Variants in CAMTA1 observed in about 807,000 individuals in gnomAD.
CAMTA1 encodes the protein calmodulin binding transcription activator 1, also known as calmodulin-binding transcription activator 1.
Under a neutral mutation model 170.9 loss-of-function variants are expected in CAMTA1, and 27 were observed. The observed-to-expected ratio is 0.16, with a 90% CI of 0.12 to 0.22. The LOEUF (loss-of-function observed/expected upper bound fraction) is 0.22. CAMTA1 is among the 10% of genes least tolerant of loss of function. The pLI is 1.00. For missense variants in CAMTA1, 1,619 were observed against 2,217.2 expected, an observed-to-expected ratio of 0.73 and a Z score of 5.42; for synonymous variants, 833 against 891.5, an observed-to-expected ratio of 0.93 and a Z score of 1.17.
At chr1:6,954,397 A>T (rs1362828654) in intron 3 of CAMTA1, among the ~76,000 whole-genome samples, 1 of 152,142 alleles carries the variant, frequency 6.6e-6, no homozygotes, top group African/African-American at 2.4e-5. Flanking sequence ...GCTCCAGCTT[A>T]TTTATCCTCA....
At chr1:7,212,508 C>G in intron 4 of CAMTA1, among the ~76,000 whole-genome samples, 1 of 152,204 alleles carries the variant, frequency 6.6e-6, no homozygotes, top group Non-Finnish European at 1.5e-5. Flanking sequence ...TATAAATACT[C>G]CTTTGCACAT....
chr1:6,997,518 C>T (rs978748651), intron 3 of CAMTA1, among the ~76,000 whole-genome samples: 12 of 152,194 alleles, frequency 7.9e-5, no homozygotes, highest in African/African-American at 2.6e-4. Context: ...CAGGTTTTTA[C>T]ACATCTCTCT....
chr1:7,041,304 C>T lies in CAMTA1; in HGVS notation c.235-50000C>T, dbSNP rs772000388. ...CTCAGAGCCAGTCCAGTCAGACCTG[C>T]GAGGCCTGGGCTGTGGCTGCTGTGG... On this transcript the variant is annotated intron_variant, in intron 3 of 22. Coordinates refer to ENST00000303635, the MANE Select transcript of CAMTA1 (RefSeq NM_015215.4). This position sits in a 1 kb window ranked among gnomAD's most constrained non-coding sequence, Gnocchi z 5.1. Among the ~76,000 whole-genome samples, 15 of 152,188 alleles carry T rather than the reference C, an allele frequency of 9.9e-5. No individual in the cohort carries two copies. Among genetic ancestry groups the T allele is most frequent in the Admixed American group, 2.6e-4 (4 of 15,288 alleles).
chr1:6,990,640 C>T (rs1572265617), intron 3 of CAMTA1, among the ~76,000 whole-genome samples: 3 of 152,128 alleles, frequency 2.0e-5, no homozygotes, highest in Non-Finnish European at 4.4e-5. Flanking sequence ...ACATTTCTAT[C>T]ATCCCAAAAG....
Position 7,455,557 on chromosome 1 carries a change from A to T in CAMTA1, c.439-12273A>T, listed in dbSNP as rs1557743757. On this transcript the variant is annotated intron_variant, in intron 5 of 22. Transcript: ENST00000303635. This position sits in a 1 kb window ranked among gnomAD's most constrained non-coding sequence, Gnocchi z 5.0. ...CGGCGTTTCCCTCCACCTGCTTCATAAGCAAAACCCTGTTGTCCGTTTTAA... is the reference window on the plus strand; with the variant it reads ...CGGCGTTTCCCTCCACCTGCTTCATTAGCAAAACCCTGTTGTCCGTTTTAA... 6.6e-6 allele frequency among the ~76,000 whole-genome samples: 1 copy of T among 152,182 alleles called. No individual in the cohort carries two copies. The highest frequency in any genetic ancestry group is 1.5e-5 in the Non-Finnish European group (1 of 68,030).
chr1:7,035,697 G>A (rs992137390), intron 3 of CAMTA1, among the ~76,000 whole-genome samples: 3 of 152,224 alleles, frequency 2.0e-5, no homozygotes, highest in Non-Finnish European at 4.4e-5. Flanking sequence ...TCTTAAGGAT[G>A]CCCGAAGGGT....
intron 5 of CAMTA1, among the ~76,000 whole-genome samples, chr1:7,451,506 C>T (rs993392669): frequency 6.6e-6 from 1 of 152,182 alleles, no homozygotes; most frequent in Admixed American, 6.5e-5. Flanking sequence ...CCTCCTGAGC[C>T]ACCTTTCCAC....
chr1:7,077,258 T>C (rs1179026519), intron 3 of CAMTA1, among the ~76,000 whole-genome samples: 1 of 149,126 alleles, frequency 6.7e-6, no homozygotes, highest in African/African-American at 2.5e-5. Context: ...TCCTATTTTC[T>C]CCCTGTATGA....
At chr1:6,880,362 C>T (rs565204826) in intron 3 of CAMTA1, among the ~76,000 whole-genome samples, 1 of 149,912 alleles carries the variant, frequency 6.7e-6, no homozygotes, top group South Asian at 2.1e-4. Context: ...GCATGAGCCA[C>T]CAGGCCCAGC....
chr1:7,016,817 C>T (rs908177740), intron 3 of CAMTA1, among the ~76,000 whole-genome samples: 1 of 150,028 alleles, frequency 6.7e-6, no homozygotes, highest in Non-Finnish European at 1.5e-5. Flanking sequence ...GCCTGAGTGA[C>T]AGAGCGAGCC....
chr1:7,261,697 C>T (rs1053219115), intron 5 of CAMTA1, among the ~76,000 whole-genome samples: 3 of 152,158 alleles, frequency 2.0e-5, no homozygotes, highest in Non-Finnish European at 4.4e-5. Flanking sequence ...TGAAGGCATC[C>T]GGCATGTGGC....
At chr1:7,351,219 G>A (rs570447615) in intron 5 of CAMTA1, among the ~76,000 whole-genome samples, 18 of 152,364 alleles carry the variant, frequency 1.2e-4, no homozygotes, top group Non-Finnish European at 2.4e-4. Flanking sequence ...TCCCAGGCAC[G>A]ATCCTGATGT....
At chr1:7,336,324 G>T (rs763168) in intron 5 of CAMTA1, among the ~76,000 whole-genome samples, 1 of 152,070 alleles carries the variant, frequency 6.6e-6, no homozygotes, top group Non-Finnish European at 1.5e-5. Flanking sequence ...CATCTCTGCA[G>T]CCCAGAGCTG....
chr1:7,659,872 T>C (rs2095939666), intron 7 of CAMTA1, among the ~76,000 whole-genome samples: 1 of 152,160 alleles, frequency 6.6e-6, no homozygotes, highest in African/African-American at 2.4e-5. Flanking sequence ...TGGCCAGTTC[T>C]CCAGGCAGGA....
chr1:7,315,087 A>G (rs1677289293), intron 5 of CAMTA1, among the ~76,000 whole-genome samples: 1 of 152,216 alleles, frequency 6.6e-6, no homozygotes, highest in Admixed American at 6.5e-5. Context: ...CAAAGAGTGA[A>G]TGAGAACATG....
At chr1:6,872,372 C>G (rs1339764563) in intron 3 of CAMTA1, among the ~76,000 whole-genome samples, 1 of 152,064 alleles carries the variant, frequency 6.6e-6, no homozygotes, top group Non-Finnish European at 1.5e-5. Flanking sequence ...ATTTTGTATT[C>G]TGAAGTATTT....
chr1:7,689,381 C>T (rs1050751334), intron 11 of CAMTA1, among the ~76,000 whole-genome samples: 3 of 150,202 alleles, frequency 2.0e-5, no homozygotes, highest in Admixed American at 2.0e-4. Flanking sequence ...CAAGACCTGC[C>T]TGGGCAACAT....
chr1:7,358,036 C>T lies in CAMTA1; in HGVS notation c.438+108410C>T, dbSNP rs549802873. Among the ~76,000 whole-genome samples, 9 of 152,312 alleles carry T rather than the reference C, an allele frequency of 5.9e-5. No individual in the cohort carries two copies. The East Asian group carries it at 1.7e-3, about 29-fold the overall frequency. On this transcript the variant is annotated intron_variant, in intron 5 of 22. Transcript: ENST00000303635. Reference sequence around the variant, plus strand: ...CTGGAGGGATCTGGGGGCTCCTTTTCAAAATGAAGGTCCAAGCCCAGATCT... The same window carrying T: ...CTGGAGGGATCTGGGGGCTCCTTTTTAAAATGAAGGTCCAAGCCCAGATCT...
chr1:7,024,829 G>A (rs941188647), intron 3 of CAMTA1, among the ~76,000 whole-genome samples: 2 of 152,198 alleles, frequency 1.3e-5, no homozygotes, highest in South Asian at 2.1e-4. Flanking sequence ...TCCTCACTCC[G>A]AAAATAACTT....
Sources: gnomAD v4.1 joint callset for allele counts (sites outside exome capture counted in the v4.1 genomes callset) on GRCh38, gnomAD v4.1.1 for gene constraint, Gnocchi (gnomAD v3.1) non-coding constraint, MANE v1.5 for transcripts, NCBI Gene and HGNC (gene_info 2026-07-23, HGNC 2026-07-21) for gene names.